SPAG16: variants seen among roughly 807,000 people sequenced by gnomAD.
SPAG16 encodes the protein sperm-associated antigen 16 protein.
Under a neutral mutation model 80.4 loss-of-function variants are expected in SPAG16, and 86 were observed. That is an observed-to-expected ratio of 1.07 (90% CI 0.90 to 1.28). The LOEUF is 1.28. Among genes scored for constraint, SPAG16 ranks in the 50% most tolerant of loss-of-function variants. The pLI is 0.00. For missense variants in SPAG16, 870 were observed against 765.3 expected, an observed-to-expected ratio of 1.14 and a Z score of -1.61; for synonymous variants, 294 against 265.9, an observed-to-expected ratio of 1.11 and a Z score of -1.03.
At chr2:213,964,906 T>TAAG (rs145057088) in intron 12 of SPAG16, among the ~76,000 whole-genome samples, 3,743 of 152,348 alleles carry the variant, frequency 0.025, 143 homozygotes, top group African/African-American at 0.081. Context: ...TTTAATTATT[T>TAAG]AAGTGTGACT....
chr2:214,256,692 G>T (rs1690710756), intron 15 of SPAG16, among the ~76,000 whole-genome samples: 1 of 151,706 alleles, frequency 6.6e-6, no homozygotes, highest in Admixed American at 6.6e-5. Context: ...GTCCACACTG[G>T]GTTCCTTTGG....
At chr2:214,073,553 A>G (rs950279531) in intron 13 of SPAG16, among the ~76,000 whole-genome samples, 1 of 152,102 alleles carries the variant, frequency 6.6e-6, no homozygotes, top group African/African-American at 2.4e-5. Context: ...TAAAAGACCT[A>G]AATATATGCA....
chr2:213,819,728 G>GT (rs753103141), intron 10 of SPAG16, among the ~76,000 whole-genome samples: 2 of 151,162 alleles, frequency 1.3e-5, no homozygotes, highest in African/African-American at 2.4e-5. Flanking sequence ...TGGTCTTGTT[G>GT]TTTTTTGTTT....
intron 11 of SPAG16, among the ~76,000 whole-genome samples, chr2:213,906,019 A>G (rs996611451): frequency 6.6e-6 from 1 of 152,202 alleles, no homozygotes; most frequent in African/African-American, 2.4e-5. Flanking sequence ...GTCTTGAAAT[A>G]TCTTAGCACC....
intron 15 of SPAG16, among the ~76,000 whole-genome samples, chr2:214,235,738 A>C (rs1444414402): frequency 6.6e-6 from 1 of 152,192 alleles, no homozygotes; most frequent in Admixed American, 6.6e-5. Flanking sequence ...AAGTAATACC[A>C]AATTGCAAGG....
chr2:213,634,940 A>C (rs2062302838), intron 10 of SPAG16, among the ~76,000 whole-genome samples: 1 of 151,178 alleles, frequency 6.6e-6, no homozygotes, highest in Non-Finnish European at 1.5e-5. Context: ...TTTCACTCAT[A>C]TATATATATA....
intron 3 of SPAG16, among the ~76,000 whole-genome samples, chr2:213,299,921 T>G (rs1489757169): frequency 2.0e-5 from 3 of 152,146 alleles, no homozygotes; most frequent in Non-Finnish European, 4.4e-5. Flanking sequence ...ATGTATTACT[T>G]AGGGATATTT....
chr2:213,590,283 G>A (rs2060637472), intron 10 of SPAG16, among the ~76,000 whole-genome samples: 1 of 151,948 alleles, frequency 6.6e-6, no homozygotes, highest in African/African-American at 2.4e-5. Context: ...CTGAGGTTTG[G>A]GCTTCTAATG....
Position 213,980,696 on chromosome 2 carries a change from ATGTG to A in SPAG16, c.1401-33241_1401-33238del, listed in dbSNP as rs144847368. On this transcript the variant is annotated intron_variant, in intron 12 of 15. Coordinates refer to ENST00000331683, the MANE Select transcript of SPAG16 (RefSeq NM_024532.5). ...ATATATGTGTGTATATATAGAATAT[ATGTG>A]TGTGTGTGTGTGTATATATATATAT... Among the ~76,000 whole-genome samples, 111 of 101,798 alleles carry A rather than the reference ATGTG, an allele frequency of 1.1e-3. 3 individuals are homozygous for A. The highest frequency in any genetic ancestry group is 1.8e-3 in the South Asian group (4 of 2,264). 66.8% of individuals were successfully genotyped at this position (101,798 alleles called of 152,430 possible).
At chr2:213,958,459 G>A (rs561066816) in intron 12 of SPAG16, among the ~76,000 whole-genome samples, 4 of 152,126 alleles carry the variant, frequency 2.6e-5, no homozygotes, top group African/African-American at 4.8e-5. Context: ...ACTAAGCCCC[G>A]CTTCTGGTAT....
At chr2:213,415,372 A>G (rs928838000) in intron 9 of SPAG16, among the ~76,000 whole-genome samples, 5 of 152,218 alleles carry the variant, frequency 3.3e-5, no homozygotes, top group African/African-American at 9.6e-5. Context: ...TCAAATTCCA[A>G]CTCTCTGAAG....
chr2:213,938,544 T>C (rs1306238076), intron 12 of SPAG16, among the ~76,000 whole-genome samples: 1 of 152,040 alleles, frequency 6.6e-6, no homozygotes, highest in Non-Finnish European at 1.5e-5. Context: ...TTTATTTATG[T>C]GTTATCTATG....
intron 15 of SPAG16, among the ~76,000 whole-genome samples, chr2:214,261,618 A>G (rs914501206): frequency 5.3e-5 from 8 of 152,310 alleles, no homozygotes; most frequent in Middle Eastern, 3.4e-3. Flanking sequence ...TGCCCTTTAT[A>G]CATTTATTAT....
At chr2:214,011,935 G>T (rs926902184) in intron 12 of SPAG16, among the ~76,000 whole-genome samples, 1 of 152,046 alleles carries the variant, frequency 6.6e-6, no homozygotes, top group African/African-American at 2.4e-5. Context: ...TACTCAAGCT[G>T]ACTTCTTCCT....
chr2:213,760,299 C>G (rs2068584470), intron 10 of SPAG16, among the ~76,000 whole-genome samples: 1 of 151,944 alleles, frequency 6.6e-6, no homozygotes, highest in Non-Finnish European at 1.5e-5. Context: ...ACAAAATAGA[C>G]TTTAATCAAA....
intron 9 of SPAG16, among the ~76,000 whole-genome samples, chr2:213,447,414 C>T (rs148838478): frequency 6.6e-6 from 1 of 152,204 alleles, no homozygotes; most frequent in Non-Finnish European, 1.5e-5. Flanking sequence ...TCTGTTATCC[C>T]CAGTACTGCC....
At chr2:213,498,313 GACTT>G (rs1316911762) in intron 10 of SPAG16, among the ~76,000 whole-genome samples, 1 of 151,978 alleles carries the variant, frequency 6.6e-6, no homozygotes, top group African/African-American at 2.4e-5. Flanking sequence ...TCCCATAATT[GACTT>G]ACTTATTTTT....
chr2:213,621,223 A>C (rs577828957), intron 10 of SPAG16, among the ~76,000 whole-genome samples: 1 of 152,070 alleles, frequency 6.6e-6, no homozygotes, highest in Non-Finnish European at 1.5e-5. Context: ...ATTTAGATTG[A>C]TCTTTTTTGT....
At chr2:213,785,717 A>G (rs1015175881) in intron 10 of SPAG16, among the ~76,000 whole-genome samples, 3 of 152,172 alleles carry the variant, frequency 2.0e-5, no homozygotes, top group Non-Finnish European at 4.4e-5. Flanking sequence ...TATATTTACT[A>G]TTCTTCAAAA....
Sources: allele counts gnomAD v4.1 joint callset (sites outside exome capture counted in the v4.1 genomes callset), GRCh38; gene constraint gnomAD v4.1.1; transcripts MANE v1.5; gene names NCBI Gene and HGNC (gene_info 2026-07-23, HGNC 2026-07-21).